The following MAGI3 variants were observed in gnomAD, a reference collection of about 807,000 sequenced individuals.
The protein encoded by MAGI3 is membrane-associated guanylate kinase, WW and PDZ domain-containing protein 3.
MAGI3 carries 43 observed loss-of-function variants against 121.8 expected under a neutral mutation model. The ratio of observed to expected loss-of-function variants is 0.35; its 90% CI spans 0.28 to 0.46. The LOEUF is 0.46. Among genes scored for constraint, MAGI3 ranks in the 20% least tolerant of loss-of-function variants. MAGI3 has a pLI of 1.00. For missense variants in MAGI3, 1,547 were observed against 1,797.3 expected (o/e 0.86, Z 2.52); for synonymous variants, 553 against 639.3 (o/e 0.86, Z 2.04).
chr1:113,397,666 T>C (rs1383995538), intron 1 of MAGI3, among the ~76,000 whole-genome samples: 1 of 152,212 alleles, frequency 6.6e-6, no homozygotes, highest in Non-Finnish European at 1.5e-5. Flanking sequence ...ATTGTTTAAA[T>C]GTATAGGTAG....
At chr1:113,681,107 T>G (rs769276492) in intron 19 of MAGI3, 91 bp from the exon 20 acceptor site, 12 of 1,469,732 alleles carry the variant, frequency 8.2e-6, no homozygotes, top group Non-Finnish European at 1.1e-5. Flanking sequence ...AAGAATCACT[T>G]AGCAAGGTTG....
rs191797084 is a variant in MAGI3 at position 113,598,522 on chromosome 1, G to A, written c.1018+3962G>A. Among the ~76,000 whole-genome samples the A allele has an allele frequency of 2.9e-4, 44 of 152,010 alleles. No homozygotes were observed. The East Asian group carries it at 6.8e-3, about 23-fold the overall frequency. ...ACAAATGGAAACTCAAAGTGAGCAG[G>A]AGTAGCTATTGTTATGTCAGAGAAA... On this transcript the variant is annotated intron_variant, in intron 6 of 20. Coordinates refer to ENST00000307546, the MANE Select transcript of MAGI3 (RefSeq NM_001142782.2).
intron 1 of MAGI3, among the ~76,000 whole-genome samples, chr1:113,393,592 A>G (rs1194292188): frequency 6.6e-6 from 1 of 152,232 alleles, no homozygotes; most frequent in Non-Finnish European, 1.5e-5. Context: ...TTTGTTATAA[A>G]ATAGCAAGAT....
chr1:113,680,752 G>C (rs772479355), intron 19 of MAGI3, among the ~76,000 whole-genome samples: 2 of 151,932 alleles, frequency 1.3e-5, no homozygotes, highest in African/African-American at 2.4e-5. Context: ...GCAAGACTCC[G>C]TCTCAAAAAG....
At chr1:113,626,040 AC>A (rs1178950717) in intron 9 of MAGI3, among the ~76,000 whole-genome samples, 1 of 152,132 alleles carries the variant, frequency 6.6e-6, no homozygotes, top group Non-Finnish European at 1.5e-5. Context: ...ATCTCAGCTC[AC>A]TGCAACCCCC....
At chr1:113,495,504 A>G (rs777490354) in intron 1 of MAGI3, among the ~76,000 whole-genome samples, 1 of 152,004 alleles carries the variant, frequency 6.6e-6, no homozygotes, top group African/African-American at 2.4e-5. Context: ...TTTTATCCCT[A>G]ACTCCTCTTC....
chr1:113,634,385 C>G (rs1366980187), intron 9 of MAGI3, among the ~76,000 whole-genome samples: 1 of 151,878 alleles, frequency 6.6e-6, no homozygotes, highest in African/African-American at 2.4e-5. Context: ...ACGTTTAAGT[C>G]TAATCCATCT....
At chr1:113,454,593 C>G (rs1654653470) in intron 1 of MAGI3, among the ~76,000 whole-genome samples, 1 of 152,070 alleles carries the variant, frequency 6.6e-6, no homozygotes, top group African/African-American at 2.4e-5. Flanking sequence ...GTTTGCTGCA[C>G]CCATCAACCC....
In MAGI3 at chr1:113,646,655, G is replaced by C. The variant is rs1426108419; in HGVS notation, c.2155+13G>C. The C allele has an allele frequency of 3.8e-6, 6 of 1,570,748 alleles. No homozygotes were observed. The Admixed American group carries it at 1.1e-4, about 30-fold the overall frequency. On this transcript the variant is annotated intron_variant, in intron 12 of 20. Coordinates refer to ENST00000307546, the MANE Select transcript of MAGI3 (RefSeq NM_001142782.2). ...TATGAAGATAAACGTAAGTAGTTGT[G>C]GAATATTTCAGGAGAGCATATAACA...
rs1649886476 is a variant in MAGI3 at position 113,607,948 on chromosome 1, G to T, written c.1019-6653G>T. Among the ~76,000 whole-genome samples, 8 of 152,108 alleles carry T rather than the reference G, an allele frequency of 5.3e-5. No individual in the cohort carries two copies. In the South Asian group the frequency reaches 1.5e-3, roughly 28 times the overall value. The stretch of plus-strand genomic sequence containing the variant: ...GCCATATACCCATTTCTTCTGCCAG[G>T]AATCAGTCTTGTTTCCTGTGTCTAC... On this transcript the variant is annotated intron_variant, in intron 6 of 20. Transcript: ENST00000307546.
chr1:113,492,530 A>G (rs1050996290), intron 1 of MAGI3, among the ~76,000 whole-genome samples: 3 of 152,282 alleles, frequency 2.0e-5, no homozygotes, highest in African/African-American at 7.2e-5. Flanking sequence ...TTTTCAACAT[A>G]GTTTTGAAAG....
rs1044295402 is a variant in MAGI3, at chr1:113,391,456, T to C, written c.316+107T>C. 5 of 1,275,586 alleles carry C rather than the reference T, an allele frequency of 3.9e-6. No homozygotes were observed. The highest frequency in any genetic ancestry group is 1.5e-5 in the African/African-American group (1 of 66,908). 79.0% of individuals were successfully genotyped at this position (1,275,586 alleles called of 1,614,324 possible). On this transcript the variant is annotated intron_variant, in intron 1 of 20. Coordinates refer to ENST00000307546, the MANE Select transcript of MAGI3 (RefSeq NM_001142782.2). The surrounding 1 kb of genome is among the most constrained non-coding windows in gnomAD (Gnocchi z 4.4). ...CCACCGCGTATTGTCCCGGGTAATC[T>C]TAGACCTCTAGGGTGTGCCAGACTC...
chr1:113,610,180 C>T (rs1650034252), intron 6 of MAGI3, among the ~76,000 whole-genome samples: 1 of 152,096 alleles, frequency 6.6e-6, no homozygotes, highest in South Asian at 2.1e-4. Context: ...GTTGCCCAGG[C>T]TAGAGTGCAG....
chr1:113,623,885 C>G (rs1178724809), intron 9 of MAGI3, among the ~76,000 whole-genome samples: 1 of 142,326 alleles, frequency 7.0e-6, no homozygotes, highest in Non-Finnish European at 1.6e-5. Flanking sequence ...TGGTAATCAT[C>G]CTTCTACTCT....
intron 1 of MAGI3, among the ~76,000 whole-genome samples, chr1:113,402,897 G>GAAAC (rs1325881895): frequency 1.3e-5 from 2 of 152,118 alleles, no homozygotes; most frequent in African/African-American, 4.8e-5. Flanking sequence ...CAGTTCTGGG[G>GAAAC]AAACTATGTT....
Position 113,646,492 on chromosome 1 carries a change from G to T in MAGI3, c.2005G>T (p.Asp669Tyr). 1 of 1,590,660 alleles carries T rather than the reference G, an allele frequency of 6.3e-7. No individual in the cohort carries two copies. Among genetic ancestry groups the T allele is most frequent in the Non-Finnish European group, 8.5e-7 (1 of 1,172,266 alleles). The change falls in exon 12 of 21, where the codon GAT becomes TAT. Residue 669 changes from aspartate (D) to tyrosine (Y), a missense_variant. By Grantham distance (160) the Asp-to-Tyr change is radical (BLOSUM62 -3). Transcript: ENST00000307546. ...SPTKTAKMKT[D>Y]KKENAGSLEA... ...AGGCTCTTTTCCATTTCAGAAAACA[G>T]ATAAAAAGGAAAATGCAGGAAGTTT...
intron 16 of MAGI3, among the ~76,000 whole-genome samples, chr1:113,665,017 A>G (rs1475355229): frequency 1.3e-5 from 2 of 152,054 alleles, no homozygotes; most frequent in Non-Finnish European, 2.9e-5. Flanking sequence ...GTCACTTTTT[A>G]CCTACAGCTT....
intron 2 of MAGI3, among the ~76,000 whole-genome samples, chr1:113,577,842 C>T (rs1210361179): frequency 6.6e-6 from 1 of 152,146 alleles, no homozygotes; most frequent in Non-Finnish European, 1.5e-5. Context: ...CAGAGTTCCT[C>T]CTGCCCTTTC....
At chr1:113,585,701 T>G (rs1175213742) in intron 4 of MAGI3, 105 bp downstream of exon 4, 2 of 932,334 alleles carry the variant, frequency 2.1e-6, no homozygotes, top group East Asian at 5.2e-5. Flanking sequence ...GGAGAGCAAG[T>G]GATGGGATTT....
Sources: gnomAD v4.1 joint callset for allele counts (sites outside exome capture counted in the v4.1 genomes callset) on GRCh38, gnomAD v4.1.1 for gene constraint, Gnocchi (gnomAD v3.1) non-coding constraint, MANE v1.5 for transcripts, NCBI Gene and HGNC (gene_info 2026-07-23, HGNC 2026-07-21) for gene names.